Variants in LIPA observed in about 807,000 individuals in gnomAD.
LIPA encodes the protein lipase A, lysosomal acid type.
A neutral mutation model predicts 40.6 loss-of-function variants in LIPA; 26 were observed. The ratio of observed to expected loss-of-function variants is 0.64; its 90% confidence interval spans 0.47 to 0.89. LIPA has a LOEUF of 0.89. Ranked by LOEUF, LIPA falls within the 40% of genes least tolerant of loss-of-function variation. LIPA has a pLI of 0.00. For missense variants in LIPA, 455 were observed against 479.6 expected, an observed-to-expected ratio of 0.95 and a Z score of 0.48; for synonymous variants, 188 against 168.4, an observed-to-expected ratio of 1.12 and a Z score of -0.90.
At chr10:89,229,943 A>G (rs1842820718) in intron 3 of LIPA, among the ~76,000 whole-genome samples, 1 of 152,184 alleles carries the variant, frequency 6.6e-6, no homozygotes, top group African/African-American at 2.4e-5. Context: ...TGCTTTAAAA[A>G]ATAAAATTTA....
At position 89,328,196 on chromosome 10, in the gene LIPA, TTATC is replaced by T. The variant is rs1843617580; in HGVS notation, c.-2+14411_-2+14414del. On this transcript the variant is annotated intron_variant, in intron 1 of 5. Coordinates refer to the LIPA transcript ENST00000282673. ...TGATGTTTATAGATTCAATATGTCT[TTATC>T]AGTCTGAGCATTTGTAAGATGTTTG... 8.7e-6 allele frequency: 9 copies of T among 1,032,194 alleles called. No individual in the cohort carries two copies. In the South Asian group the frequency reaches 1.1e-4, roughly 12 times the overall value. 63.9% of individuals were successfully genotyped at this position (1,032,194 alleles called of 1,614,324 possible). A position where few individuals can be genotyped will look rare whatever the true frequency, so the allele number is the denominator to read the frequency against.
chr10:89,293,886 A>C (rs1843393402), intron 1 of LIPA, among the ~76,000 whole-genome samples: 1 of 152,178 alleles, frequency 6.6e-6, no homozygotes, highest in Non-Finnish European at 1.5e-5. Context: ...TTCAATGATG[A>C]ATTTTGGGAA....
intron 1 of LIPA, among the ~76,000 whole-genome samples, chr10:89,320,151 C>T (rs1222878084): frequency 1.3e-5 from 2 of 152,176 alleles, no homozygotes; most frequent in African/African-American, 4.8e-5. Context: ...CCTTTGAAAA[C>T]TGGCACAAGA....
At chr10:89,302,404 A>G (rs950859362) in intron 1 of LIPA, among the ~76,000 whole-genome samples, 4 of 152,200 alleles carry the variant, frequency 2.6e-5, no homozygotes, top group Non-Finnish European at 5.9e-5. Flanking sequence ...AAGGCAGCAG[A>G]GAGGGATGAT....
At chr10:89,254,523 G>C (rs1397482679), upstream of LIPA, among the ~76,000 whole-genome samples, 3 of 152,214 alleles carry the variant, frequency 2.0e-5, no homozygotes, top group African/African-American at 7.2e-5. Flanking sequence ...AGGCCTCTGG[G>C]CCTGTGATGG....
chr10:89,270,012 T>C (rs1843256934), intron 1 of LIPA, among the ~76,000 whole-genome samples: 2 of 152,228 alleles, frequency 1.3e-5, no homozygotes, highest in South Asian at 2.1e-4. Context: ...GATTGCTCAA[T>C]TATGTCTGTG....
At chr10:89,328,022 A>G (rs1589602314) in intron 1 of LIPA, 1 of 1,612,074 alleles carries the variant, frequency 6.2e-7, no homozygotes, top group East Asian at 2.2e-5. Flanking sequence ...TCTGAAGAAC[A>G]AATCAGCCTG....
chr10:89,387,133 A>G (rs1227746108), intron 2 of LIPA, among the ~76,000 whole-genome samples: 2 of 151,976 alleles, frequency 1.3e-5, no homozygotes, highest in African/African-American at 4.8e-5. Context: ...TGGCTAACAC[A>G]GTGAAACCCC....
intron 1 of LIPA, among the ~76,000 whole-genome samples, chr10:89,321,159 C>A: frequency 6.6e-6 from 1 of 151,302 alleles, no homozygotes; most frequent in African/African-American, 2.4e-5. Flanking sequence ...TAGGCATGGG[C>A]AAGGACTTCA....
chr10:89,394,145 T>C (rs1844298842), intron 2 of LIPA, among the ~76,000 whole-genome samples: 1 of 152,222 alleles, frequency 6.6e-6, no homozygotes, highest in African/African-American at 2.4e-5. Context: ...ACTACACACC[T>C]AGGCTATAAA....
intron 2 of LIPA, chr10:89,393,454 C>A: frequency 2.1e-6 from 1 of 477,852 alleles, no homozygotes; most frequent in Non-Finnish European, 3.3e-6. Flanking sequence ...TTACTTAGGC[C>A]GGGCAAGGGG....
At chr10:89,340,811 T>G (rs1043557099) in intron 1 of LIPA, 5 of 152,206 alleles carry the variant, frequency 3.3e-5, no homozygotes, top group Admixed American at 2.6e-4. Context: ...TCCAGACTTC[T>G]GGAACTCAAA....
At chr10:89,238,958 A>C (rs1472999596) in intron 3 of LIPA, among the ~76,000 whole-genome samples, 2 of 152,198 alleles carry the variant, frequency 1.3e-5, no homozygotes, top group East Asian at 3.8e-4. Context: ...TAAATGTAAT[A>C]AAATATTATT....
At chr10:89,275,891 A>G (rs1843286958) in intron 1 of LIPA, among the ~76,000 whole-genome samples, 2 of 152,208 alleles carry the variant, frequency 1.3e-5, no homozygotes. Context: ...TGCTTCATAA[A>G]TAACTTTCTA....
chr10:89,234,627 G>A (rs1368864594), intron 3 of LIPA, among the ~76,000 whole-genome samples: 1 of 152,186 alleles, frequency 6.6e-6, no homozygotes, highest in East Asian at 1.9e-4. Context: ...TCTCTCACCT[G>A]CTCCCACCAG....
At chr10:89,339,573 GAT>G in intron 1 of LIPA, 2 of 1,614,196 alleles carry the variant, frequency 1.2e-6, no homozygotes, top group Non-Finnish European at 1.7e-6. Flanking sequence ...ATAAAGAGAT[GAT>G]TGAAGCACTA....
chr10:89,259,384 A>C (rs1158588628), intron 1 of LIPA, among the ~76,000 whole-genome samples: 1 of 152,220 alleles, frequency 6.6e-6, no homozygotes, highest in African/African-American at 2.4e-5. Context: ...CAATGAGATA[A>C]CACTATTCTA....
chr10:89,222,125 A>G (rs990265527), intron 8 of LIPA, among the ~76,000 whole-genome samples: 2 of 151,784 alleles, frequency 1.3e-5, no homozygotes, highest in African/African-American at 4.9e-5. Context: ...CGGACTTAAA[A>G]TCACTCTTTA....
chr10:89,293,690 G>C (rs927477471), intron 1 of LIPA: 6 of 151,436 alleles, frequency 4.0e-5, no homozygotes, highest in African/African-American at 7.3e-5. Context: ...GAGAGAGAGA[G>C]AGAGAGAGAG....
Sources: gnomAD v4.1 joint callset for allele counts (sites outside exome capture counted in the v4.1 genomes callset) on GRCh38, gnomAD v4.1.1 for gene constraint, MANE v1.5 for transcripts, NCBI Gene and HGNC (gene_info 2026-07-23, HGNC 2026-07-21) for gene names.